PLEKHA7: variants seen among roughly 807,000 people sequenced by gnomAD.
PLEKHA7 encodes the protein pleckstrin homology domain containing A7, also known as pleckstrin homology domain-containing family A member 7.
PLEKHA7 carries 104 observed loss-of-function variants against 170.0 expected under a neutral mutation model. The ratio of observed to expected loss-of-function variants is 0.61; its 90% confidence interval spans 0.52 to 0.72. PLEKHA7 has a LOEUF of 0.72. Among genes scored for constraint, PLEKHA7 ranks in the 30% least tolerant of loss-of-function variants. The pLI is 0.00. For synonymous variants in PLEKHA7, 648 were observed against 660.8 expected (o/e 0.98, Z 0.30); for missense variants, 1,615 against 1,671.7 (o/e 0.97, Z 0.59).
chr11:16,820,606 C>T (rs902975766), intron 10 of PLEKHA7, among the ~76,000 whole-genome samples: 2 of 152,216 alleles, frequency 1.3e-5, no homozygotes, highest in African/African-American at 4.8e-5. Context: ...CAGGACTTGA[C>T]TAACCATTGT....
Position 16,778,277 on chromosome 11 carries a change from A to T in PLEKHA7, c.*721T>A, listed in dbSNP as rs1295412846. ...AAGAGTGAAACTCCATCTCAAAAAA[A>T]AAAAAAGATAGCAAACTGCTTTTTT... On this transcript the variant is annotated 3_prime_UTR_variant, in exon 27 of 27. Transcript: ENST00000531066. 3 of 152,734 alleles carry T rather than the reference A, an allele frequency of 2.0e-5. No individual in the cohort carries two copies. The highest frequency in any genetic ancestry group is 2.0e-4 in the Admixed American group (3 of 15,284). 9.5% of individuals were successfully genotyped at this position (152,734 alleles called of 1,614,324 possible). A position where few individuals can be genotyped will look rare whatever the true frequency, so the allele number is the denominator to read the frequency against.
At chr11:16,844,231 T>C (rs1270738423) in intron 8 of PLEKHA7, among the ~76,000 whole-genome samples, 1 of 152,188 alleles carries the variant, frequency 6.6e-6, no homozygotes, top group Non-Finnish European at 1.5e-5. Flanking sequence ...GCCTCAAACA[T>C]GCAGACATGG....
chr11:17,006,279 G>A (rs1186171098), intron 3 of PLEKHA7, among the ~76,000 whole-genome samples: 1 of 144,714 alleles, frequency 6.9e-6, no homozygotes, highest in Non-Finnish European at 1.5e-5. Flanking sequence ...AGTGAGCCGA[G>A]ATCACACCAC....
At chr11:16,986,405 A>T (rs1476423266) in intron 3 of PLEKHA7, among the ~76,000 whole-genome samples, 1 of 152,182 alleles carries the variant, frequency 6.6e-6, no homozygotes, top group Non-Finnish European at 1.5e-5. Flanking sequence ...GAATGAGCCC[A>T]GACACATTTT....
chr11:16,796,138 C>T (rs976674680), intron 17 of PLEKHA7, among the ~76,000 whole-genome samples: 5 of 152,102 alleles, frequency 3.3e-5, no homozygotes, highest in Admixed American at 6.5e-5. Context: ...GGATTACAGG[C>T]GTGAGCCACT....
At position 16,817,240 on chromosome 11, in the gene PLEKHA7, T is replaced by G; in HGVS notation, c.1426A>C (p.Ser476Arg). ...FPENYQTLPKSTRHPSGGSSP... is the reference protein window; with the variant it reads ...FPENYQTLPKRTRHPSGGSSP... ...GAGCCCCCCGAGGGGTGTCGGGTGC[T>G]CTTGGGAAGAGTCTGGTAGTTTTCT... is the stretch of plus-strand genomic sequence containing the variant. Residue 476 changes from serine to arginine, a missense_variant, in exon 11 of 27, where the codon AGC (serine) becomes CGC (arginine). Coordinates refer to ENST00000531066, the MANE Select transcript of PLEKHA7 (RefSeq NM_001329630.2). This position sits in a 1 kb window ranked among gnomAD's most constrained non-coding sequence, Gnocchi z 4.4. The G allele has an allele frequency of 6.2e-7, 1 of 1,613,950 alleles. No homozygotes were observed. Among genetic ancestry groups the G allele is most frequent in the Non-Finnish European group, 8.5e-7 (1 of 1,180,012 alleles).
chr11:16,881,485 C>G (rs1018734274), intron 3 of PLEKHA7: 1 of 152,272 alleles, frequency 6.6e-6, no homozygotes, highest in African/African-American at 2.4e-5. Flanking sequence ...CTCTCCACCC[C>G]CCACACAAAA....
intron 9 of PLEKHA7, among the ~76,000 whole-genome samples, chr11:16,841,106 C>T (rs1365629433): frequency 3.3e-5 from 5 of 152,188 alleles, no homozygotes; most frequent in Admixed American, 1.3e-4. Context: ...CTCAGGGAAT[C>T]ACCCACAGCC....
At chr11:16,846,819 T>C (rs1852445544) in intron 8 of PLEKHA7, among the ~76,000 whole-genome samples, 1 of 152,166 alleles carries the variant, frequency 6.6e-6, no homozygotes, top group South Asian at 2.1e-4. Context: ...CGATTCCAAT[T>C]ACACTTAATG....
intron 3 of PLEKHA7, among the ~76,000 whole-genome samples, chr11:16,920,239 A>C (rs1186412879): frequency 6.6e-6 from 1 of 152,220 alleles, no homozygotes; most frequent in African/African-American, 2.4e-5. Context: ...CGAAGAGAGG[A>C]ATGGCTTGCT....
chr11:16,886,966 A>T (rs796476293), intron 3 of PLEKHA7, among the ~76,000 whole-genome samples: 2 of 152,156 alleles, frequency 1.3e-5, no homozygotes, highest in South Asian at 4.1e-4. Flanking sequence ...ACAAAATAAC[A>T]GTTTTTCTGA....
intron 3 of PLEKHA7, among the ~76,000 whole-genome samples, chr11:16,997,760 G>A (rs1004435662): frequency 3.3e-5 from 5 of 152,166 alleles, no homozygotes; most frequent in Non-Finnish European, 7.3e-5. Context: ...TTGCTGACTC[G>A]ACAGAAGGCC....
intron 9 of PLEKHA7, among the ~76,000 whole-genome samples, chr11:16,841,321 GA>G (rs1194215382): frequency 6.6e-6 from 1 of 152,196 alleles, no homozygotes; most frequent in Non-Finnish European, 1.5e-5. Context: ...CATAAGAGAA[GA>G]AAAACTGAGA....
chr11:16,853,748 C>G (rs958383178), intron 6 of PLEKHA7, among the ~76,000 whole-genome samples: 2 of 152,310 alleles, frequency 1.3e-5, no homozygotes, highest in African/African-American at 4.8e-5. Context: ...AGAGGGACGA[C>G]AGGGCTGTGA....
chr11:16,921,300 C>T (rs933430175), intron 3 of PLEKHA7, among the ~76,000 whole-genome samples: 17 of 152,146 alleles, frequency 1.1e-4, no homozygotes, highest in African/African-American at 4.1e-4. Context: ...AACTAGCAAC[C>T]TCTTTCTTAA....
intron 3 of PLEKHA7, among the ~76,000 whole-genome samples, chr11:16,995,208 T>C (rs1381385223): frequency 1.3e-5 from 2 of 152,300 alleles, no homozygotes; most frequent in Admixed American, 1.3e-4. Flanking sequence ...GTGGCAGGGC[T>C]GGGATTCAAG....
At chr11:16,885,494 A>G (rs1027021593) in intron 3 of PLEKHA7, among the ~76,000 whole-genome samples, 1 of 150,894 alleles carries the variant, frequency 6.6e-6, no homozygotes, top group African/African-American at 2.5e-5. Context: ...CCTCATCTCT[A>G]CTAAAAAAAA....
At chr11:16,904,237 T>C (rs1857514587) in intron 3 of PLEKHA7, among the ~76,000 whole-genome samples, 1 of 152,208 alleles carries the variant, frequency 6.6e-6, no homozygotes, top group Non-Finnish European at 1.5e-5. Flanking sequence ...ACAAGCAACA[T>C]CTGAGTGCCT....
chr11:16,931,494 G>A (rs1031888505), intron 3 of PLEKHA7, among the ~76,000 whole-genome samples: 8 of 152,124 alleles, frequency 5.3e-5, no homozygotes, highest in South Asian at 2.1e-4. Context: ...AGGCTGAGGC[G>A]GCCAAATTAC....
Sources: allele counts gnomAD v4.1 joint callset (sites outside exome capture counted in the v4.1 genomes callset), GRCh38; gene constraint gnomAD v4.1.1; non-coding constraint Gnocchi (gnomAD v3.1); transcripts MANE v1.5; gene names NCBI Gene and HGNC (gene_info 2026-07-23, HGNC 2026-07-21).